The following RGS7 variants were observed in gnomAD, a reference collection of about 807,000 sequenced individuals.
RGS7 encodes the protein regulator of G protein signaling 7, also known as regulator of G-protein signaling 7.
RGS7 carries 27 observed loss-of-function variants against 81.1 expected under a neutral mutation model. The observed-to-expected ratio is 0.33, with a 90% confidence interval of 0.25 to 0.46. The LOEUF is 0.46. Ranked by LOEUF, RGS7 falls within the 20% of genes least tolerant of loss-of-function variation. The pLI, the probability that RGS7 is intolerant of heterozygous loss-of-function variation, is 1.00. For synonymous variants in RGS7, 208 were observed against 207.7 expected (o/e 1.00, Z -0.01); for missense variants, 396 against 607.4 (o/e 0.65, Z 3.66).
At chr1:240,883,958 C>T (rs1666876855) in intron 6 of RGS7, among the ~76,000 whole-genome samples, 1 of 151,748 alleles carries the variant, frequency 6.6e-6, no homozygotes, top group Admixed American at 6.6e-5. Flanking sequence ...CGTCTATAAT[C>T]CCAGCTACTC....
At chr1:241,248,787 T>G (rs1384353888) in intron 2 of RGS7, among the ~76,000 whole-genome samples, 1 of 152,082 alleles carries the variant, frequency 6.6e-6, no homozygotes, top group East Asian at 1.9e-4. Context: ...TTCGGATGAG[T>G]GGAGAAGGCA....
chr1:241,208,205 A>G (rs1417134339), intron 2 of RGS7, among the ~76,000 whole-genome samples: 1 of 152,128 alleles, frequency 6.6e-6, no homozygotes, highest in Non-Finnish European at 1.5e-5. Flanking sequence ...CGCCTGGACC[A>G]TCTTTGCCTT....
At chr1:241,275,454 G>C (rs539473897) in intron 2 of RGS7, among the ~76,000 whole-genome samples, 1 of 152,188 alleles carries the variant, frequency 6.6e-6, no homozygotes, top group Admixed American at 6.5e-5. Flanking sequence ...AGACTTGGTC[G>C]CCTTGGCTTC....
chr1:241,137,205 G>T (rs181524645), intron 2 of RGS7, among the ~76,000 whole-genome samples: 1 of 151,866 alleles, frequency 6.6e-6, no homozygotes, highest in East Asian at 1.9e-4. Flanking sequence ...TATTTTATTG[G>T]CATTTTTTTT....
intron 6 of RGS7, among the ~76,000 whole-genome samples, chr1:240,915,582 C>A (rs1021830982): frequency 6.6e-6 from 1 of 152,178 alleles, no homozygotes; most frequent in Non-Finnish European, 1.5e-5. Context: ...CCTCTAGCTA[C>A]AGCAAACAGT....
chr1:240,939,070 C>T (rs543026884), intron 4 of RGS7, among the ~76,000 whole-genome samples: 13 of 152,230 alleles, frequency 8.5e-5, no homozygotes, highest in African/African-American at 2.2e-4. Context: ...GCAGGATTGA[C>T]GTGAGAATGA....
chr1:240,789,427 C>T (rs1266421427), intron 18 of RGS7, among the ~76,000 whole-genome samples: 3 of 152,210 alleles, frequency 2.0e-5, no homozygotes, highest in Non-Finnish European at 2.9e-5. Context: ...ACCTTAAACT[C>T]TGACTGCTGG....
chr1:241,324,517 A>C (rs981225205), intron 2 of RGS7, among the ~76,000 whole-genome samples: 1 of 152,156 alleles, frequency 6.6e-6, no homozygotes, highest in Non-Finnish European at 1.5e-5. Flanking sequence ...TCTGTCTTCT[A>C]ATACGTGTAC....
intron 3 of RGS7, among the ~76,000 whole-genome samples, chr1:241,087,976 CTATATATATA>C (rs1191726960): frequency 4.2e-5 from 4 of 94,750 alleles, no homozygotes; most frequent in African/African-American, 1.9e-4. Context: ...CTCTCTCTCT[CTATATATATA>C]TATATATATA....
At chr1:240,938,343 TTC>T (rs1193207049) in intron 4 of RGS7, among the ~76,000 whole-genome samples, 7 of 152,206 alleles carry the variant, frequency 4.6e-5, no homozygotes, top group Admixed American at 2.0e-4. Context: ...ATAAATTTAT[TTC>T]TGTTTCTTAG....
intron 2 of RGS7, among the ~76,000 whole-genome samples, chr1:241,119,938 T>C (rs551851184): frequency 6.6e-6 from 1 of 152,356 alleles, no homozygotes; most frequent in South Asian, 2.1e-4. Context: ...ACTCAAATAA[T>C]AGCACATCAC....
At chr1:240,822,628 AC>A (rs1216527427) in intron 10 of RGS7, among the ~76,000 whole-genome samples, 5 of 152,242 alleles carry the variant, frequency 3.3e-5, no homozygotes, top group African/African-American at 1.2e-4. Flanking sequence ...CTGGTATTTT[AC>A]CATGAAAATT....
chr1:241,022,866 G>A (rs1489776641), intron 3 of RGS7, among the ~76,000 whole-genome samples: 1 of 152,098 alleles, frequency 6.6e-6, no homozygotes, highest in Non-Finnish European at 1.5e-5. Context: ...TCAAAGTGAG[G>A]CTTAAAAGGT....
At chr1:241,085,486 G>T (rs189589628) in intron 3 of RGS7, among the ~76,000 whole-genome samples, 2 of 152,052 alleles carry the variant, frequency 1.3e-5, no homozygotes, top group East Asian at 3.9e-4. Context: ...CTGCAGTGGC[G>T]TGATCTTGGC....
At chr1:240,925,970 G>A (rs1674374466) in intron 6 of RGS7, among the ~76,000 whole-genome samples, 1 of 152,020 alleles carries the variant, frequency 6.6e-6, no homozygotes, top group Non-Finnish European at 1.5e-5. Context: ...TTTTTAACGG[G>A]ATTGTTTCTT....
At position 240,901,723 on chromosome 1, in the gene RGS7, C is replaced by A. The variant is rs562041856; in HGVS notation, c.385+28994G>T. 5.3e-5 allele frequency among the ~76,000 whole-genome samples: 8 copies of A among 152,310 alleles called. No individual in the cohort carries two copies. In the South Asian group the frequency reaches 1.0e-3, roughly 20 times the overall value. On this transcript the variant is annotated intron_variant, in intron 6 of 18. Transcript: ENST00000440928. ...CTTTCTTCTGGGGTCTCAGTCACTA[C>A]TCCTCACTACGTATGGTCTCCAAGT... is the stretch of plus-strand genomic sequence containing the variant.
chr1:240,862,891 CT>C (rs977989862), intron 9 of RGS7, among the ~76,000 whole-genome samples: 19 of 150,242 alleles, frequency 1.3e-4, no homozygotes, highest in East Asian at 5.9e-4. Flanking sequence ...TTTCTTATCT[CT>C]TTTTTTTTAC....
intron 3 of RGS7, among the ~76,000 whole-genome samples, chr1:241,039,874 GA>G (rs1046305807): frequency 8.5e-5 from 13 of 152,302 alleles, no homozygotes; most frequent in African/African-American, 3.1e-4. Context: ...ACCCGCTTTG[GA>G]AATTACATGT....
chr1:241,162,303 T>C (rs2069785403), intron 2 of RGS7, among the ~76,000 whole-genome samples: 1 of 149,346 alleles, frequency 6.7e-6, no homozygotes, highest in African/African-American at 2.5e-5. Flanking sequence ...TTAACTGGTA[T>C]ATGAGCTTCC....
Sources: allele counts gnomAD v4.1 joint callset (sites outside exome capture counted in the v4.1 genomes callset), GRCh38; gene constraint gnomAD v4.1.1; transcripts MANE v1.5; gene names NCBI Gene and HGNC (gene_info 2026-07-23, HGNC 2026-07-21).